RFX2: variants seen among roughly 807,000 people sequenced by gnomAD.
The protein encoded by RFX2 is regulatory factor X2, also known as DNA-binding protein RFX2.
In RFX2, 20 loss-of-function variants were observed where a neutral mutation model predicts 87.8. The ratio of observed to expected loss-of-function variants is 0.23; its 90% CI spans 0.16 to 0.33. The LOEUF (loss-of-function observed/expected upper bound fraction) is 0.33, where lower values mean the gene tolerates loss of function less well. Among genes scored for constraint, RFX2 ranks in the 10% least tolerant of loss-of-function variants. The pLI is 1.00. For synonymous variants in RFX2, 397 were observed against 431.3 expected (o/e 0.92, Z 0.98); for missense variants, 767 against 1,012.3 (o/e 0.76, Z 3.29).
intron 7 of RFX2, 131 bp downstream of exon 7, chr19:6,015,959 C>T: frequency 2.5e-6 from 2 of 786,362 alleles, no homozygotes; most frequent in Non-Finnish European, 3.7e-6. Context: ...TTGAAAGTAA[C>T]TGCAAGCACT....
chr19:6,004,057 C>T lies in RFX2; in HGVS notation c.1500+144G>A, dbSNP rs1367025131. ...GCACTGACGCGTCACCGGCAGTGTG[C>T]TCAGGGCTTCCTGAAGGGATCGGTT... On this transcript the variant is annotated intron_variant, in intron 13 of 17. Transcript: ENST00000303657. This position sits in a 1 kb window ranked among gnomAD's most constrained non-coding sequence, Gnocchi z 4.8. The T allele has an allele frequency of 1.3e-5, 9 of 684,374 alleles. No individual in the cohort carries two copies. Among genetic ancestry groups the T allele is most frequent in the Admixed American group, 2.1e-5 (1 of 47,624 alleles). 42.4% of individuals were successfully genotyped at this position (684,374 alleles called of 1,614,324 possible).
intron 1 of RFX2, among the ~76,000 whole-genome samples, chr19:6,072,659 T>C (rs151323490): frequency 6.6e-6 from 1 of 152,154 alleles, no homozygotes; most frequent in East Asian, 1.9e-4. Flanking sequence ...GAGCAATGAT[T>C]ATACCACTGC....
At chr19:6,015,994 A>C in intron 7 of RFX2, 96 bp downstream of exon 7, 9 of 1,253,756 alleles carry the variant, frequency 7.2e-6, no homozygotes, top group Non-Finnish European at 8.7e-6. Flanking sequence ...GAATCAGGCC[A>C]CCTGGAAAGG....
At chr19:6,078,457 T>A (rs538535545) in intron 1 of RFX2, 35 of 151,938 alleles carry the variant, frequency 2.3e-4, no homozygotes, top group African/African-American at 6.5e-4. Flanking sequence ...TTATGGTGCA[T>A]CCTAGCTCTA....
intron 1 of RFX2, among the ~76,000 whole-genome samples, chr19:6,070,061 A>ATATGATGGGG: frequency 2.0e-5 from 1 of 50,788 alleles, no homozygotes; most frequent in Non-Finnish European, 4.2e-5. Context: ...ATGGGATGGG[A>ATATGATGGGG]TGGGATGGGA....
chr19:6,096,509 C>T (rs935799634), intron 1 of RFX2, among the ~76,000 whole-genome samples: 1 of 152,124 alleles, frequency 6.6e-6, no homozygotes, highest in Non-Finnish European at 1.5e-5. Context: ...TGCAGTGGCG[C>T]GATCTCGGCT....
chr19:5,995,623 CAGAG>C lies in RFX2; in HGVS notation c.2030_2033del (p.Ser677CysfsTer3), dbSNP rs1568494909. 4.5e-6 allele frequency: 7 copies of C among 1,552,574 alleles called. No individual in the cohort carries two copies. The highest frequency in any genetic ancestry group is 2.4e-5 in the East Asian group (1 of 40,946). ...TACCTTTGTCGAGCAGCGTCAGCGA[CAGAG>C]AGGCGAGATCGTTGAACTGAAAGAG... On this transcript the variant is annotated frameshift_variant, in exon 17 of 18. Coordinates refer to ENST00000303657, the MANE Select transcript of RFX2 (RefSeq NM_000635.4). LOFTEE classifies it high-confidence loss of function.
chr19:6,107,935 G>A (rs533722181), intron 1 of RFX2, among the ~76,000 whole-genome samples: 29 of 152,118 alleles, frequency 1.9e-4, no homozygotes, highest in Admixed American at 5.2e-4. Context: ...AAGGTAATGC[G>A]TGCCCTTCAC....
intron 17 of RFX2, 130 bp downstream of exon 17, chr19:5,995,471 C>T (rs2086393778): frequency 1.1e-6 from 1 of 894,314 alleles, no homozygotes; most frequent in Admixed American, 2.1e-5. Context: ...ATGACAGATC[C>T]CAGGGCCCTC....
chr19:6,089,534 G>C (rs570078366), intron 1 of RFX2, among the ~76,000 whole-genome samples: 69 of 152,296 alleles, frequency 4.5e-4, no homozygotes, highest in African/African-American at 1.5e-3. Flanking sequence ...GAGATGATTA[G>C]GTCATGAGCA....
In RFX2 at chr19:6,023,376, G is replaced by A. The variant is rs114313600; in HGVS notation, c.597+2787C>T. Among the ~76,000 whole-genome samples, 1,520 of 152,346 alleles carry A rather than the reference G, an allele frequency of 1.0e-2. 29 individuals are homozygous for A. The highest frequency in any genetic ancestry group is 0.035 in the African/African-American group (1,461 of 41,566). On this transcript the variant is annotated intron_variant, in intron 6 of 17. Coordinates refer to ENST00000303657, the MANE Select transcript of RFX2 (RefSeq NM_000635.4). This position sits in a 1 kb window ranked among gnomAD's most constrained non-coding sequence, Gnocchi z 4.9. ...ACCACGACCTCAGTCTCAGCCACAG[G>A]CAGCCCTGGGGACAATCGTTGCAAG...
In RFX2 at chr19:6,064,374, CT is replaced by C. The variant is rs1306815893; in HGVS notation, c.-8-16871del. Among the ~76,000 whole-genome samples, 1 of 152,236 alleles carries C rather than the reference CT, an allele frequency of 6.6e-6. No homozygotes were observed. The highest frequency in any genetic ancestry group is 2.4e-5 in the African/African-American group (1 of 41,466). On this transcript the variant is annotated intron_variant, in intron 1 of 17. Coordinates refer to ENST00000303657, the MANE Select transcript of RFX2 (RefSeq NM_000635.4). The surrounding 1 kb of genome is among the most constrained non-coding windows in gnomAD (Gnocchi z 4.8). ...TCTCCCTTTCTGACCATGAGCAGGGCTGCAGTGCAGCTGCTGATGGTCAAGA... is the reference window on the plus strand; with the variant it reads ...TCTCCCTTTCTGACCATGAGCAGGGCGCAGTGCAGCTGCTGATGGTCAAGA...
Position 6,002,743 on chromosome 19 carries a change from C to T in RFX2, c.1628G>A (p.Arg543His), listed in dbSNP as rs34768020. The T allele has an allele frequency of 1.1e-5, 17 of 1,613,738 alleles. No homozygotes were observed. Among genetic ancestry groups the T allele is most frequent in the Admixed American group, 8.3e-5 (5 of 60,000 alleles). Reference sequence around the variant, plus strand: ...CACCTGCACGTTGGCAAAGTCCACGCGGTTGAGGTCGCTGAGCATCTGGTT... The same window carrying T: ...CACCTGCACGTTGGCAAAGTCCACGTGGTTGAGGTCGCTGAGCATCTGGTT... ...QINQMLSDLN[R>H]VDFANVQEQA... The change falls in exon 14 of 18, where the codon CGC becomes CAC. Residue 543 changes from arginine (R) to histidine (H), a missense_variant. By Grantham distance (29) the Arg-to-His change is conservative (BLOSUM62 0). Transcript: ENST00000303657. The surrounding 1 kb of genome is among the most constrained non-coding windows in gnomAD (Gnocchi z 6.7).
intron 1 of RFX2, among the ~76,000 whole-genome samples, chr19:6,105,111 C>T (rs575452586): frequency 1.6e-3 from 229 of 143,340 alleles, no homozygotes; most frequent in African/African-American, 5.2e-3. Flanking sequence ...AGTGAGACTC[C>T]GTCTCACAAA....
intron 5 of RFX2, among the ~76,000 whole-genome samples, chr19:6,038,646 C>G (rs77739918): frequency 6.6e-6 from 1 of 152,224 alleles, no homozygotes; most frequent in East Asian, 1.9e-4. Context: ...CATAAGAAAA[C>G]AACCAACCTA....
At chr19:6,077,415 C>T (rs1028190776) in intron 1 of RFX2, among the ~76,000 whole-genome samples, 26 of 152,170 alleles carry the variant, frequency 1.7e-4, no homozygotes, top group African/African-American at 6.3e-4. Flanking sequence ...GCCACTGCCT[C>T]CCCCAGCCCA....
At chr19:6,031,254 C>T (rs1203083696) in intron 5 of RFX2, among the ~76,000 whole-genome samples, 1 of 152,058 alleles carries the variant, frequency 6.6e-6, no homozygotes, top group Non-Finnish European at 1.5e-5. Context: ...CACACACAGG[C>T]TTTTCTTGGA....
intron 4 of RFX2, 30 bp downstream of exon 4, chr19:6,042,014 C>A: frequency 6.3e-7 from 1 of 1,596,700 alleles, no homozygotes; most frequent in Non-Finnish European, 8.6e-7. Context: ...GGAGAGGGTT[C>A]CGGGTGTGGC....
intron 6 of RFX2, among the ~76,000 whole-genome samples, chr19:6,018,819 C>G (rs534096616): frequency 2.0e-4 from 31 of 152,294 alleles, no homozygotes; most frequent in Non-Finnish European, 4.4e-5. Context: ...TGACCACAAG[C>G]TCCCCTCCAG....
Sources: gnomAD v4.1 joint callset for allele counts (sites outside exome capture counted in the v4.1 genomes callset) on GRCh38, gnomAD v4.1.1 for gene constraint, Gnocchi (gnomAD v3.1) non-coding constraint, MANE v1.5 for transcripts, NCBI Gene and HGNC (gene_info 2026-07-23, HGNC 2026-07-21) for gene names.